The following TMEM132C variants were observed in gnomAD, a reference collection of about 807,000 sequenced individuals.
TMEM132C encodes the protein transmembrane protein 132C, also known as protein phosphatase 1, regulatory subunit 152.
TMEM132C carries 29 observed loss-of-function variants against 61.4 expected under a neutral mutation model. The observed-to-expected ratio is 0.47, with a 90% CI of 0.35 to 0.64. The LOEUF is 0.64. Ranked by LOEUF, TMEM132C falls within the 30% of genes least tolerant of loss-of-function variation. TMEM132C has a pLI of 0.00. For missense variants in TMEM132C, 1,408 were observed against 1,476.9 expected (o/e 0.95, Z 0.76); for synonymous variants, 656 against 633.1 (o/e 1.04, Z -0.54).
At chr12:128,517,104 G>A (rs1263486480) in intron 2 of TMEM132C, among the ~76,000 whole-genome samples, 2 of 151,506 alleles carry the variant, frequency 1.3e-5, no homozygotes, top group Non-Finnish European at 2.9e-5. Context: ...GGTGGCGTGT[G>A]CCTGTAATCG....
At chr12:128,495,556 CT>C (rs553874654) in intron 2 of TMEM132C, among the ~76,000 whole-genome samples, 136 of 152,268 alleles carry the variant, frequency 8.9e-4, no homozygotes, top group African/African-American at 2.9e-3. Context: ...ATAGTTAGCT[CT>C]TCTTGTTGAA....
chr12:128,300,820 T>C (rs1226877018), intron 1 of TMEM132C, among the ~76,000 whole-genome samples: 1 of 152,146 alleles, frequency 6.6e-6, no homozygotes, highest in African/African-American at 2.4e-5. Context: ...GAGGATTGTT[T>C]GAGGCTAGGA....
intron 1 of TMEM132C, among the ~76,000 whole-genome samples, chr12:128,353,140 A>G (rs1873393530): frequency 6.6e-6 from 1 of 152,242 alleles, no homozygotes; most frequent in South Asian, 2.1e-4. Context: ...GCCAAAGAAA[A>G]CAGAAGTGGG....
At chr12:128,279,571 C>T (rs2135897729) in intron 1 of TMEM132C, among the ~76,000 whole-genome samples, 1 of 152,320 alleles carries the variant, frequency 6.6e-6, no homozygotes, top group East Asian at 1.9e-4. Flanking sequence ...ACACTCTGCT[C>T]CAGTCCCATG....
At chr12:128,435,789 A>G (rs1172672348) in intron 2 of TMEM132C, among the ~76,000 whole-genome samples, 3 of 152,168 alleles carry the variant, frequency 2.0e-5, no homozygotes, top group Non-Finnish European at 2.9e-5. Flanking sequence ...AGAACTGGAA[A>G]AAAACTACTT....
chr12:128,447,699 C>A (rs1306848121), intron 2 of TMEM132C, among the ~76,000 whole-genome samples: 2 of 119,900 alleles, frequency 1.7e-5, no homozygotes, highest in East Asian at 5.2e-4. Flanking sequence ...GATATTATTT[C>A]AAGTGCTTTT....
At chr12:128,588,916 C>A (rs1875648334) in intron 3 of TMEM132C, among the ~76,000 whole-genome samples, 1 of 152,160 alleles carries the variant, frequency 6.6e-6, no homozygotes, top group African/African-American at 2.4e-5. Context: ...AAGAGAAAGT[C>A]AGGGACTGTG....
chr12:128,589,768 T>C lies in TMEM132C; in HGVS notation c.1122-26384T>C, dbSNP rs565340520. On this transcript the variant is annotated intron_variant, in intron 3 of 8. Coordinates refer to ENST00000435159, the MANE Select transcript of TMEM132C (RefSeq NM_001136103.3). ...AGCCTGGATTTGAATTCCTTTTTTT[T>C]CCCCTCTTATCAGCAGTGCAGCCTT... 3.8e-3 allele frequency among the ~76,000 whole-genome samples: 575 copies of C among 152,200 alleles called. 1 individual carries two copies. The highest frequency in any genetic ancestry group is 4.8e-3 in the Non-Finnish European group (327 of 68,026).
At chr12:128,399,052 G>A (rs1186650226) in intron 1 of TMEM132C, among the ~76,000 whole-genome samples, 1 of 152,172 alleles carries the variant, frequency 6.6e-6, no homozygotes, top group Non-Finnish European at 1.5e-5. Context: ...CATCAGGAAA[G>A]CATTTTCTAC....
At chr12:128,460,164 C>G (rs1400166105) in intron 2 of TMEM132C, among the ~76,000 whole-genome samples, 1 of 152,084 alleles carries the variant, frequency 6.6e-6, no homozygotes, top group East Asian at 1.9e-4. Context: ...GTGACAGAAA[C>G]CCAAATCAAG....
chr12:128,333,625 C>T (rs1376157484), intron 1 of TMEM132C, among the ~76,000 whole-genome samples: 7 of 147,032 alleles, frequency 4.8e-5, no homozygotes, highest in East Asian at 4.2e-4. Flanking sequence ...GTGGTTTGTG[C>T]GTGGTGTGTA....
rs527355876 is a variant in TMEM132C, at chr12:128,272,552, T to A, written c.85+5065T>A. On this transcript the variant is annotated intron_variant, in intron 1 of 8. Coordinates refer to ENST00000435159, the MANE Select transcript of TMEM132C (RefSeq NM_001136103.3). The stretch of plus-strand genomic sequence containing the variant: ...CTAGGATTGGGATTGCTAGGTTGTA[T>A]GCAGACTGTATATATAACTTCATAA... Among the ~76,000 whole-genome samples the A allele has an allele frequency of 3.7e-4, 57 of 152,364 alleles. No individual in the cohort carries two copies. The South Asian group carries it at 0.012, about 31-fold the overall frequency.
At chr12:128,483,870 C>T (rs563754314) in intron 2 of TMEM132C, among the ~76,000 whole-genome samples, 100 of 152,120 alleles carry the variant, frequency 6.6e-4, no homozygotes, top group Middle Eastern at 6.8e-3. Flanking sequence ...TAGATTTAAA[C>T]GACATTAAAA....
intron 2 of TMEM132C, among the ~76,000 whole-genome samples, chr12:128,510,462 G>T (rs1477555484): frequency 2.0e-5 from 3 of 152,168 alleles, no homozygotes; most frequent in Non-Finnish European, 4.4e-5. Flanking sequence ...TCTCTGCCCT[G>T]CATCTCTTTC....
chr12:128,640,660 C>T (rs1029818220), intron 4 of TMEM132C, among the ~76,000 whole-genome samples: 5 of 152,130 alleles, frequency 3.3e-5, no homozygotes, highest in Admixed American at 6.5e-5. Flanking sequence ...CTTTGGGAGG[C>T]GGAGGCGGGC....
chr12:128,486,422 G>T (rs1365672806), intron 2 of TMEM132C, among the ~76,000 whole-genome samples: 1 of 152,068 alleles, frequency 6.6e-6, no homozygotes, highest in Admixed American at 6.5e-5. Flanking sequence ...AATGAAAATG[G>T]ATTGGGAGGA....
chr12:128,564,662 C>G (rs748093438), intron 3 of TMEM132C, among the ~76,000 whole-genome samples: 2 of 152,238 alleles, frequency 1.3e-5, no homozygotes, highest in Admixed American at 1.3e-4. Context: ...CTGCCACTTA[C>G]ATCTCGTACA....
At chr12:128,616,921 A>G (rs1044405874) in intron 4 of TMEM132C, among the ~76,000 whole-genome samples, 1 of 152,228 alleles carries the variant, frequency 6.6e-6, no homozygotes, top group African/African-American at 2.4e-5. Flanking sequence ...GTAAGCAAAC[A>G]TGCTACTTGT....
intron 3 of TMEM132C, among the ~76,000 whole-genome samples, chr12:128,573,461 G>A (rs1398001604): frequency 6.6e-6 from 1 of 152,060 alleles, no homozygotes; most frequent in Non-Finnish European, 1.5e-5. Flanking sequence ...GTGGGGTGGG[G>A]GGAGTGGGGA....
Sources: allele counts gnomAD v4.1 joint callset (sites outside exome capture counted in the v4.1 genomes callset), GRCh38; gene constraint gnomAD v4.1.1; transcripts MANE v1.5; gene names NCBI Gene and HGNC (gene_info 2026-07-23, HGNC 2026-07-21).